Variants in TEK observed in about 807,000 individuals in gnomAD.
The protein encoded by TEK is TEK receptor tyrosine kinase, also known as angiopoietin-1 receptor.
TEK carries 43 observed loss-of-function variants against 131.8 expected under a neutral mutation model. The observed-to-expected ratio is 0.33, with a 90% CI of 0.26 to 0.42. TEK has a LOEUF of 0.42. Among genes scored for constraint, TEK ranks in the 10% least tolerant of loss-of-function variants. The pLI, the probability that TEK is intolerant of heterozygous loss-of-function variation, is 1.00. For missense variants in TEK, 1,162 were observed against 1,384.4 expected (o/e 0.84, Z 2.55); for synonymous variants, 580 against 491.6 (o/e 1.18, Z -2.38).
chr9:27,190,594 A>C lies in TEK; in HGVS notation c.1393A>C (p.Ile465Leu). 1 of 1,614,078 alleles carries C rather than the reference A, an allele frequency of 6.2e-7. No individual in the cohort carries two copies. Among genetic ancestry groups the C allele is most frequent in the South Asian group, 1.1e-5 (1 of 91,084 alleles). ...DTGHNFAVINISSEPYFGDGP... is the reference protein window; with the variant it reads ...DTGHNFAVINLSSEPYFGDGP... The stretch of plus-strand genomic sequence containing the variant: ...TGGACATAACTTTGCTGTCATCAAC[A>C]TCAGCTCTGAGCCTTACTTTGGGGA... The change falls in exon 10 of 23, where the codon ATC becomes CTC. Residue 465 changes from isoleucine to leucine, a missense_variant. Transcript: ENST00000380036.
chr9:27,217,861 G>A, intron 19 of TEK, 103 bp downstream of exon 19: 1 of 997,478 alleles, frequency 1.0e-6, no homozygotes, highest in Non-Finnish European at 1.6e-6. Context: ...TAGCTCTCGG[G>A]AACAAAGGTA....
intron 12 of TEK, among the ~76,000 whole-genome samples, chr9:27,198,919 TC>T (rs1319871066): frequency 1.3e-5 from 2 of 152,096 alleles, no homozygotes; most frequent in Non-Finnish European, 2.9e-5. Context: ...CACCTCAGCC[TC>T]CTGAGTAGCT....
chr9:27,137,804 T>G (rs1338562918), intron 1 of TEK, among the ~76,000 whole-genome samples: 1 of 152,162 alleles, frequency 6.6e-6, no homozygotes, highest in African/African-American at 2.4e-5. Flanking sequence ...GTTAGGTTTA[T>G]TTTTTCTCTC....
Position 27,219,752 on chromosome 9 carries a change from T to TGGACTTCC in TEK, c.3104-297_3104-296insGGACTTCC, listed in dbSNP as rs1466477427. On this transcript the variant is annotated intron_variant, in intron 20 of 22. Coordinates refer to ENST00000380036, the MANE Select transcript of TEK (RefSeq NM_000459.5). Reference sequence around the variant, plus strand: ...GAAAAAAAGGTTAATCTTATTGGTATAATAAAGGTTAATCTTATTGGTATA... The same window carrying TGGACTTCC: ...GAAAAAAAGGTTAATCTTATTGGTATGGACTTCCAATAAAGGTTAATCTTATTGGTATA... Among the ~76,000 whole-genome samples the TGGACTTCC allele has an allele frequency of 1.9e-4, 26 of 138,168 alleles. No individual in the cohort carries two copies. In the East Asian group the frequency reaches 5.2e-3, roughly 28 times the overall value. The allele number at this position is 138,168 out of a possible 152,430, so 90.6% of individuals were successfully genotyped here.
At position 27,206,582 on chromosome 9, in the gene TEK, A is replaced by T. The variant is rs201024056; in HGVS notation, c.2365A>T (p.Arg789Trp). ...RRMAQAFQNVREEPAVQFNSG... is the reference protein window; with the variant it reads ...RRMAQAFQNVWEEPAVQFNSG... The stretch of plus-strand genomic sequence containing the variant: ...AATGATGAAATAATTATTTTTCCAG[A>T]GGGAAGAACCAGCTGTGCAGTTCAA... The change falls in exon 15 of 23, where the codon AGG (arginine) becomes TGG (tryptophan). Residue 789 changes from arginine to tryptophan, a missense_variant and splice_region_variant. Around this residue, in one of 6 missense-constraint regions of TEK, gnomAD observed 477 missense variants for 471.0 expected, o/e 1.01. Coordinates refer to ENST00000380036, the MANE Select transcript of TEK (RefSeq NM_000459.5). 31 of 1,613,566 alleles carry T rather than the reference A, an allele frequency of 1.9e-5. No homozygotes were observed. The highest frequency in any genetic ancestry group is 2.5e-5 in the Non-Finnish European group (29 of 1,179,788).
intron 1 of TEK, among the ~76,000 whole-genome samples, chr9:27,113,995 C>A (rs575598488): frequency 5.3e-5 from 8 of 152,286 alleles, no homozygotes; most frequent in African/African-American, 1.7e-4. Context: ...CTCAATTTGC[C>A]CAGGCCAACT....
chr9:27,168,692 TTG>T lies in TEK; in HGVS notation c.475+90_475+91del, dbSNP rs577595217. ...ATTGAATCATTTTCCTATTGTGGTC[TTG>T]TGGGCAGATGTTTGAATTAAAGCTG... On this transcript the variant is annotated intron_variant, in intron 3 of 22. Transcript: ENST00000380036. 4 of 1,052,924 alleles carry T rather than the reference TTG, an allele frequency of 3.8e-6. No individual in the cohort carries two copies. The South Asian group carries it at 5.4e-5, about 14-fold the overall frequency. The allele number at this position is 1,052,924 out of a possible 1,614,324, so 65.2% of individuals were successfully genotyped here.
chr9:27,200,397 A>T (rs888265973), intron 12 of TEK, among the ~76,000 whole-genome samples: 12 of 152,178 alleles, frequency 7.9e-5, no homozygotes, highest in African/African-American at 2.9e-4. Flanking sequence ...TTATAGGATT[A>T]AACAAAAACT....
At chr9:27,117,007 G>A (rs73440266) in intron 1 of TEK, among the ~76,000 whole-genome samples, 2,354 of 151,758 alleles carry the variant, frequency 0.016, 59 homozygotes, top group African/African-American at 0.054. Flanking sequence ...GACTACAGGC[G>A]CCTGCCACCA....
chr9:27,216,473 A>G (rs886973467), intron 18 of TEK, among the ~76,000 whole-genome samples: 5 of 152,172 alleles, frequency 3.3e-5, no homozygotes, highest in Non-Finnish European at 7.3e-5. Flanking sequence ...CAAAAAGAAA[A>G]CAGATAACAC....
intron 20 of TEK, among the ~76,000 whole-genome samples, chr9:27,219,446 A>G (rs1432639702): frequency 6.6e-6 from 1 of 152,144 alleles, no homozygotes; most frequent in South Asian, 2.1e-4. Flanking sequence ...ATGGGAACAC[A>G]TGGACACAGG....
At chr9:27,169,989 G>A (rs1280773946) in intron 4 of TEK, among the ~76,000 whole-genome samples, 1 of 152,120 alleles carries the variant, frequency 6.6e-6, no homozygotes, top group Non-Finnish European at 1.5e-5. Flanking sequence ...TAAGGGAAGA[G>A]GTTTAATTGA....
chr9:27,152,558 A>AT (rs963051600), intron 1 of TEK, among the ~76,000 whole-genome samples: 1 of 150,892 alleles, frequency 6.6e-6, no homozygotes, highest in East Asian at 1.9e-4. Context: ...ATTAAGCAAA[A>AT]TTTTTTTCTT....
chr9:27,208,272 G>T (rs1825472461), intron 15 of TEK, among the ~76,000 whole-genome samples: 1 of 152,074 alleles, frequency 6.6e-6, no homozygotes, highest in African/African-American at 2.4e-5. Flanking sequence ...TGAGATGATT[G>T]TCACAGTTTC....
chr9:27,137,671 C>G (rs535853663), intron 1 of TEK, among the ~76,000 whole-genome samples: 19 of 115,226 alleles, frequency 1.6e-4, no homozygotes, highest in African/African-American at 4.4e-4. Context: ...ATTAAAGCAT[C>G]TTCTTAACAA....
intron 1 of TEK, among the ~76,000 whole-genome samples, chr9:27,154,561 C>G (rs1348906821): frequency 6.6e-6 from 1 of 152,172 alleles, no homozygotes; most frequent in Non-Finnish European, 1.5e-5. Flanking sequence ...CATCGTTGTT[C>G]TTCTTTTTAT....
chr9:27,190,838 G>C, intron 10 of TEK, 148 bp downstream of exon 10: 2 of 1,234,838 alleles, frequency 1.6e-6, no homozygotes, highest in Non-Finnish European at 2.3e-6. Flanking sequence ...GAGTATTCAA[G>C]AGAGAGTGCA....
chr9:27,199,745 T>C (rs1468134291), intron 12 of TEK, among the ~76,000 whole-genome samples: 2 of 152,232 alleles, frequency 1.3e-5, no homozygotes, highest in African/African-American at 4.8e-5. Flanking sequence ...TCTTACTGAT[T>C]TGTAAAAATT....
rs192990582 is a variant in TEK, at chr9:27,201,804, C to G, written c.1910-1016C>G. Among the ~76,000 whole-genome samples the G allele has an allele frequency of 4.6e-5, 7 of 152,276 alleles. No individual in the cohort carries two copies. The East Asian group carries it at 1.4e-3, about 29-fold the overall frequency. ...AACAATGGTGTATGGAATGAAACAG[C>G]CTATGTCTACTATTCGCCTACTGGG... is the stretch of plus-strand genomic sequence containing the variant. On this transcript the variant is annotated intron_variant, in intron 12 of 22. Transcript: ENST00000380036.
Sources: allele counts gnomAD v4.1 joint callset (sites outside exome capture counted in the v4.1 genomes callset), GRCh38; gene constraint gnomAD v4.1.1; regional missense constraint gnomAD v4.1.1; transcripts MANE v1.5; gene names NCBI Gene and HGNC (gene_info 2026-07-23, HGNC 2026-07-21).